TOP3B: variants seen among roughly 807,000 people sequenced by gnomAD.
TOP3B encodes the protein DNA topoisomerase 3-beta-1.
TOP3B carries 45 observed loss-of-function variants against 93.9 expected under a neutral mutation model. The ratio of observed to expected loss-of-function variants is 0.48; its 90% confidence interval spans 0.38 to 0.61. TOP3B has a LOEUF of 0.61. Ranked by LOEUF, TOP3B falls within the 20% of genes least tolerant of loss-of-function variation. The pLI is 0.00. For missense variants in TOP3B, 750 were observed against 1,156.1 expected (o/e 0.65, Z 5.09); for synonymous variants, 357 against 472.6 (o/e 0.76, Z 3.17).
chr22:21,960,107 A>G (rs971197593), intron 14 of TOP3B: 2 of 737,414 alleles, frequency 2.7e-6, no homozygotes, highest in African/African-American at 3.5e-5. Flanking sequence ...GTTCCCTCAC[A>G]CATCTGTTCA....
At position 21,962,778 on chromosome 22, in the gene TOP3B, G is replaced by C; in HGVS notation, c.1320C>G (p.Phe440Leu). The C allele has an allele frequency of 6.2e-7, 1 of 1,614,194 alleles. No homozygotes were observed. Among genetic ancestry groups the C allele is most frequent in the South Asian group, 1.1e-5 (1 of 91,082 alleles). ...TISFRIGPEL[F>L]TCSGKTVLSP... The stretch of plus-strand genomic sequence containing the variant: ...AGAGGACGGTCTTCCCGGAGCAGGT[G>C]AAGAGCTCGGGCCCAATTCTGAAGG... Residue 440 changes from phenylalanine (F) to leucine (L), a missense_variant, in exon 12 of 18, where the codon TTC (phenylalanine) becomes TTG (leucine). Phe to Leu is a conservative substitution (Grantham distance 22). Around this residue, in one of 4 missense-constraint regions of TOP3B, gnomAD observed 737 missense variants for 933.7 expected, o/e 0.79. Coordinates refer to ENST00000357179, the MANE Select transcript of TOP3B (RefSeq NM_001282112.2).
chr22:21,970,002 T>A lies in TOP3B; in HGVS notation c.581+208A>T. The A allele has an allele frequency of 4.4e-6, 2 of 451,842 alleles. No individual in the cohort carries two copies. The highest frequency in any genetic ancestry group is 3.9e-6 in the Non-Finnish European group (1 of 253,508). The allele number at this position is 451,842 out of a possible 1,614,324, so 28.0% of individuals were successfully genotyped here. A position where few individuals can be genotyped will look rare whatever the true frequency, so the allele number is the denominator to read the frequency against. Reference sequence around the variant, plus strand: ...CCAGGCTGGTCTCAAACTGCCAACCTCAAGCAATCCTCCTATCCTGGTCTC... The same window carrying A: ...CCAGGCTGGTCTCAAACTGCCAACCACAAGCAATCCTCCTATCCTGGTCTC... On this transcript the variant is annotated intron_variant, in intron 6 of 17. Coordinates refer to ENST00000357179, the MANE Select transcript of TOP3B (RefSeq NM_001282112.2). This position sits in a 1 kb window ranked among gnomAD's most constrained non-coding sequence, Gnocchi z 4.4.
intron 7 of TOP3B, chr22:21,968,399 C>T (rs2071497979): frequency 5.3e-6 from 3 of 560,752 alleles, no homozygotes; most frequent in Non-Finnish European, 9.4e-6. Flanking sequence ...TGAACTCATT[C>T]CCACTTATCC....
chr22:21,958,571 C>A lies in TOP3B; in HGVS notation c.2028G>T (p.Trp676Cys). ...CPLDDFELVL[W>C]SSGSRGKSYP... ...AGCTCTTGCCCCGAGAGCCTGATGA[C>A]CACAGGACCAGCTCGAAGTCATCCA... is the stretch of plus-strand genomic sequence containing the variant. Residue 676 changes from tryptophan to cysteine, a missense_variant, in exon 17 of 18, where the codon TGG (tryptophan) becomes TGT (cysteine). Transcript: ENST00000357179. 1 of 1,614,130 alleles carries A rather than the reference C, an allele frequency of 6.2e-7. No individual in the cohort carries two copies. The highest frequency in any genetic ancestry group is 8.5e-7 in the Non-Finnish European group (1 of 1,180,038).
chr22:21,977,157 C>T (rs2071908005), intron 1 of TOP3B: 1 of 152,152 alleles, frequency 6.6e-6, no homozygotes, highest in Non-Finnish European at 1.5e-5. Context: ...AGAACAGCCA[C>T]TTCACTCCAG....
rs749177415 is a variant in TOP3B, at chr22:21,971,990, C to T, written c.310-39G>A. 1.3e-6 allele frequency: 2 copies of T among 1,584,906 alleles called. No homozygotes were observed. The highest frequency in any genetic ancestry group is 1.1e-5 in the South Asian group (1 of 88,558). ...CAGGTTCACACGTACCTGCTGCAGACCCGGTCTGTGCCACCCGCCCCCAGT... is the reference window on the plus strand; with the variant it reads ...CAGGTTCACACGTACCTGCTGCAGATCCGGTCTGTGCCACCCGCCCCCAGT... On this transcript the variant is annotated intron_variant, in intron 4 of 17. Coordinates refer to ENST00000357179, the MANE Select transcript of TOP3B (RefSeq NM_001282112.2). This position sits in a 1 kb window ranked among gnomAD's most constrained non-coding sequence, Gnocchi z 4.6.
At chr22:21,962,298 G>A (rs770424478) in intron 13 of TOP3B, 131 bp downstream of exon 13, 1 of 1,593,834 alleles carries the variant, frequency 6.3e-7, no homozygotes, top group South Asian at 1.1e-5. Flanking sequence ...TGGGTCACCA[G>A]TTTCCAGATA....
intron 9 of TOP3B, chr22:21,964,768 G>A: frequency 5.2e-6 from 1 of 194,144 alleles, no homozygotes; most frequent in Non-Finnish European, 1.1e-5. Context: ...ACTCAGGGGG[G>A]CTCGTCCTGC....
intron 1 of TOP3B, 178 bp downstream of exon 1, chr22:21,982,552 C>G (rs564878256): frequency 1.3e-5 from 2 of 152,434 alleles, no homozygotes; most frequent in East Asian, 3.9e-4. Flanking sequence ...CAGCAAGCCC[C>G]GCGGGAGAGT....
intron 8 of TOP3B, chr22:21,966,865 G>A (rs991522770): frequency 3.3e-5 from 5 of 152,564 alleles, no homozygotes; most frequent in African/African-American, 1.2e-4. Context: ...GTCTCTGCAG[G>A]AATGTGATCA....
chr22:21,972,917 C>T, intron 3 of TOP3B, 199 bp from the exon 4 acceptor site: 1 of 575,220 alleles, frequency 1.7e-6, no homozygotes, highest in African/African-American at 1.9e-5. Context: ...ATCCAGCCTC[C>T]TTTCTGCTCG....
intron 1 of TOP3B, among the ~76,000 whole-genome samples, chr22:21,978,690 G>A (rs75599828): frequency 6.6e-6 from 1 of 152,180 alleles, no homozygotes; most frequent in East Asian, 1.9e-4. Context: ...CAGGCCAGGC[G>A]AGATGGCAGC....
chr22:21,971,081 T>G lies in TOP3B; in HGVS notation c.385-675A>C, dbSNP rs1248514758. On this transcript the variant is annotated intron_variant, in intron 5 of 17. Transcript: ENST00000357179. This position sits in a 1 kb window ranked among gnomAD's most constrained non-coding sequence, Gnocchi z 4.6. The stretch of plus-strand genomic sequence containing the variant: ...TCATTTCTGAAGGGAGAAAGCCCCA[T>G]GAGCTGCCCCCATTCTCCATTCCCA... The G allele has an allele frequency of 6.1e-6, 8 of 1,301,102 alleles. No homozygotes were observed. Among genetic ancestry groups the G allele is most frequent in the Non-Finnish European group, 7.1e-6 (7 of 986,594 alleles). The allele number at this position is 1,301,102 out of a possible 1,614,324, so 80.6% of individuals were successfully genotyped here. A position where few individuals can be genotyped will look rare whatever the true frequency, so the allele number is the denominator to read the frequency against.
Position 21,970,340 on chromosome 22 carries a change from T to C in TOP3B, c.451A>G (p.Arg151Gly). ...HGGEKTVFRA[R>G]FSSITDTDIC... The stretch of plus-strand genomic sequence containing the variant: ...TCTGTGTCCGTGATGGAGCTAAACC[T>C]GGCCCGGAACACGGTCTTCTCGCCA... The change falls in exon 6 of 18, where the codon AGG (arginine) becomes GGG (glycine). Residue 151 changes from arginine to glycine, a missense_variant. Around this residue, in one of 4 missense-constraint regions of TOP3B, gnomAD observed 737 missense variants for 933.7 expected, o/e 0.79. Coordinates refer to ENST00000357179, the MANE Select transcript of TOP3B (RefSeq NM_001282112.2). The surrounding 1 kb of genome is among the most constrained non-coding windows in gnomAD (Gnocchi z 4.4). The C allele has an allele frequency of 8.7e-6, 14 of 1,614,090 alleles. No individual in the cohort carries two copies. The highest frequency in any genetic ancestry group is 1.2e-5 in the Non-Finnish European group (14 of 1,179,998).
In TOP3B at chr22:21,970,416, G is replaced by A. The variant is rs1420822708; in HGVS notation, c.385-10C>T. ...GAACAGCATCAAGAACCTGGGGGTG[G>A]GGAGTGGCCAGCTGTGACCCACCTC... On this transcript the variant is annotated splice_polypyrimidine_tract_variant and intron_variant, in intron 5 of 17. Coordinates refer to ENST00000357179, the MANE Select transcript of TOP3B (RefSeq NM_001282112.2). The surrounding 1 kb of genome is among the most constrained non-coding windows in gnomAD (Gnocchi z 4.4). 5 of 1,612,712 alleles carry A rather than the reference G, an allele frequency of 3.1e-6. No homozygotes were observed. The highest frequency in any genetic ancestry group is 1.7e-6 in the Non-Finnish European group (2 of 1,179,528).
At chr22:21,958,029 C>T (rs1179423465) in intron 17 of TOP3B, 16 of 1,317,438 alleles carry the variant, frequency 1.2e-5, no homozygotes, top group Non-Finnish European at 1.3e-5. Flanking sequence ...GCAGAGCACA[C>T]GGTGAATGTG....
chr22:21,961,897 A>T (rs941296337), intron 13 of TOP3B: 1 of 212,088 alleles, frequency 4.7e-6, no homozygotes. Context: ...TCCTGTGAGG[A>T]GTGTGCACTG....
At chr22:21,981,281 G>A (rs888181285) in intron 1 of TOP3B, among the ~76,000 whole-genome samples, 2 of 152,192 alleles carry the variant, frequency 1.3e-5, no homozygotes, top group Non-Finnish European at 2.9e-5. Flanking sequence ...CCTAGACTGG[G>A]ACTGTGGGGT....
At chr22:21,977,430 G>A (rs2071919261) in intron 1 of TOP3B, 1 of 150,914 alleles carries the variant, frequency 6.6e-6, no homozygotes, top group Non-Finnish European at 1.5e-5. Flanking sequence ...TTGGGAGGCT[G>A]AGGCATGAGA....
Sources: allele counts gnomAD v4.1 joint callset (sites outside exome capture counted in the v4.1 genomes callset), GRCh38; gene constraint gnomAD v4.1.1; regional missense constraint gnomAD v4.1.1; non-coding constraint Gnocchi (gnomAD v3.1); transcripts MANE v1.5; gene names NCBI Gene and HGNC (gene_info 2026-07-23, HGNC 2026-07-21).